CYB5A: variants seen among roughly 807,000 people sequenced by gnomAD.
CYB5A encodes the protein cytochrome b5 type A.
Under a neutral mutation model 16.2 loss-of-function variants are expected in CYB5A, and 10 were observed. That is an observed-to-expected ratio of 0.62 (90% CI 0.38 to 1.04). CYB5A has a LOEUF of 1.04. CYB5A is among the 50% of genes least tolerant of loss of function. CYB5A has a pLI of 0.01. For synonymous variants in CYB5A, 62 were observed against 57.0 expected, an observed-to-expected ratio of 1.09 and a Z score of -0.40; for missense variants, 161 against 165.9, an observed-to-expected ratio of 0.97 and a Z score of 0.16.
chr18:74,260,969 T>G (rs1982176587), intron 2 of CYB5A, 25 bp from the exon 3 acceptor site: 1 of 1,602,330 alleles, frequency 6.2e-7, no homozygotes, highest in Non-Finnish European at 8.6e-7. Flanking sequence ...TAAGGCACAT[T>G]ATGGAATTTA....
intron 1 of CYB5A, among the ~76,000 whole-genome samples, chr18:74,275,596 A>G (rs1982839730): frequency 6.6e-6 from 1 of 152,224 alleles, no homozygotes; most frequent in Non-Finnish European, 1.5e-5. Flanking sequence ...TCAATCATTT[A>G]GTCAAGAAAA....
At chr18:74,283,983 A>C (rs1303733342) in intron 1 of CYB5A, among the ~76,000 whole-genome samples, 1 of 152,158 alleles carries the variant, frequency 6.6e-6, no homozygotes, top group African/African-American at 2.4e-5. Flanking sequence ...CTGTAATCTT[A>C]GCACTTTGGG....
At chr18:74,255,566 C>G (rs996427671) in intron 4 of CYB5A, among the ~76,000 whole-genome samples, 175 bp downstream of exon 4, 1 of 152,118 alleles carries the variant, frequency 6.6e-6, no homozygotes, top group Non-Finnish European at 1.5e-5. Context: ...TGTTCACAGT[C>G]GGCTACCTGA....
intron 1 of CYB5A, among the ~76,000 whole-genome samples, chr18:74,285,821 GCAA>G (rs1213791729): frequency 7.0e-6 from 1 of 142,566 alleles, no homozygotes; most frequent in Non-Finnish European, 1.5e-5. Context: ...CACGGCCTGG[GCAA>G]CACAGCAAGA....
chr18:74,290,319 A>G (rs1983483930), intron 1 of CYB5A, among the ~76,000 whole-genome samples: 1 of 152,168 alleles, frequency 6.6e-6, no homozygotes. Context: ...ATTTCGGCTC[A>G]CTGCAACCTC....
chr18:74,274,000 C>T (rs1381035505), intron 1 of CYB5A, among the ~76,000 whole-genome samples: 1 of 152,218 alleles, frequency 6.6e-6, no homozygotes, highest in African/African-American at 2.4e-5. Flanking sequence ...TCTTCATTTG[C>T]ACGCCATTCT....
intron 1 of CYB5A, among the ~76,000 whole-genome samples, chr18:74,283,400 A>G (rs1983193000): frequency 6.6e-6 from 1 of 152,158 alleles, no homozygotes; most frequent in South Asian, 2.1e-4. Context: ...AGGTGAGAGC[A>G]GCATCTGGGT....
intron 1 of CYB5A, among the ~76,000 whole-genome samples, chr18:74,283,111 C>T (rs546267341): frequency 6.6e-6 from 1 of 152,302 alleles, no homozygotes; most frequent in South Asian, 2.1e-4. Flanking sequence ...CATCTGCTCT[C>T]AGCTTGGAGG....
intron 2 of CYB5A, among the ~76,000 whole-genome samples, chr18:74,261,917 C>T (rs1352603896): frequency 6.6e-6 from 1 of 152,172 alleles, no homozygotes; most frequent in East Asian, 1.9e-4. Context: ...TTCTGGCGGG[C>T]TGCTAACCAT....
chr18:74,290,000 T>C (rs915198810), intron 1 of CYB5A, among the ~76,000 whole-genome samples: 2 of 152,172 alleles, frequency 1.3e-5, no homozygotes, highest in African/African-American at 2.4e-5. Flanking sequence ...TATTCTCTTA[T>C]GCTACTTCTT....
chr18:74,269,054 C>T (rs1424226227), intron 1 of CYB5A, among the ~76,000 whole-genome samples: 1 of 152,128 alleles, frequency 6.6e-6, no homozygotes, highest in Non-Finnish European at 1.5e-5. Flanking sequence ...AGGAAATATG[C>T]TTTAAAAGAT....
At chr18:74,274,301 G>A (rs1982784322) in intron 1 of CYB5A, among the ~76,000 whole-genome samples, 1 of 152,140 alleles carries the variant, frequency 6.6e-6, no homozygotes, top group South Asian at 2.1e-4. Flanking sequence ...TGAGGCCAAA[G>A]AGAAATGCTA....
rs1050122994 is a variant in CYB5A, at chr18:74,277,910, G to A, written c.129+13837C>T. Among the ~76,000 whole-genome samples, 3 of 152,208 alleles carry A rather than the reference G, an allele frequency of 2.0e-5. No homozygotes were observed. The South Asian group carries it at 6.2e-4, about 32-fold the overall frequency. Reference sequence around the variant, plus strand: ...CCCAGAAAGCCCAGACTGGAAGAGAGCACCTGGAGTTTCTGCCGAAGATCT... The same window carrying A: ...CCCAGAAAGCCCAGACTGGAAGAGAACACCTGGAGTTTCTGCCGAAGATCT... On this transcript the variant is annotated intron_variant, in intron 1 of 4. Coordinates refer to ENST00000340533, the MANE Select transcript of CYB5A (RefSeq NM_148923.4).
intron 1 of CYB5A, among the ~76,000 whole-genome samples, chr18:74,266,362 G>C (rs1265582459): frequency 6.6e-6 from 1 of 152,206 alleles, no homozygotes; most frequent in Non-Finnish European, 1.5e-5. Context: ...GCTGAACTCA[G>C]GAGCTGCCGT....
chr18:74,279,661 T>C (rs2145074287), intron 1 of CYB5A, among the ~76,000 whole-genome samples: 1 of 152,356 alleles, frequency 6.6e-6, no homozygotes, highest in Admixed American at 6.5e-5. Flanking sequence ...TTTGTTTTTT[T>C]TCCTCTCAAT....
chr18:74,255,539 C>T (rs930585343), intron 4 of CYB5A, among the ~76,000 whole-genome samples: 2 of 152,178 alleles, frequency 1.3e-5, no homozygotes, highest in Non-Finnish European at 2.9e-5. Flanking sequence ...CCAGCTAGAT[C>T]ACGTGGCTGT....
chr18:74,280,577 C>CAAA (rs1298855875), intron 1 of CYB5A, among the ~76,000 whole-genome samples: 1 of 95,692 alleles, frequency 1.0e-5, no homozygotes, highest in African/African-American at 3.9e-5. Context: ...GACCCTGTCT[C>CAAA]AAAAAAAAAA....
chr18:74,274,270 T>G (rs762241839), intron 1 of CYB5A, among the ~76,000 whole-genome samples: 2 of 152,232 alleles, frequency 1.3e-5, no homozygotes, highest in Non-Finnish European at 2.9e-5. Context: ...CAACGAGCGA[T>G]GTTTCCACTT....
At chr18:74,291,549 T>G (rs1224913160) in intron 1 of CYB5A, among the ~76,000 whole-genome samples, 198 bp downstream of exon 1, 1 of 121,396 alleles carries the variant, frequency 8.2e-6, no homozygotes, top group Non-Finnish European at 1.7e-5. Flanking sequence ...CTTGGGGCGG[T>G]GGGGGGCGCC....
Sources: gnomAD v4.1 joint callset for allele counts (sites outside exome capture counted in the v4.1 genomes callset) on GRCh38, gnomAD v4.1.1 for gene constraint, MANE v1.5 for transcripts, NCBI Gene and HGNC (gene_info 2026-07-23, HGNC 2026-07-21) for gene names.